Variants in MIGA1 observed in about 807,000 individuals in gnomAD.
The protein encoded by MIGA1 is family with sequence similarity 73, member A.
MIGA1 carries 58 observed loss-of-function variants against 82.0 expected under a neutral mutation model. The ratio of observed to expected loss-of-function variants is 0.71; its 90% CI spans 0.57 to 0.88. MIGA1 has a LOEUF of 0.88. MIGA1 is among the 40% of genes least tolerant of loss of function. MIGA1 has a pLI of 0.00. For synonymous variants in MIGA1, 249 were observed against 253.6 expected (o/e 0.98, Z 0.17); for missense variants, 751 against 749.1 (o/e 1.00, Z -0.03).
At chr1:77,811,132 T>C (rs1217280132) in intron 5 of MIGA1, 2 of 1,559,550 alleles carry the variant, frequency 1.3e-6, no homozygotes, top group South Asian at 1.1e-5. Flanking sequence ...AAAATGAACA[T>C]ATGTATCTTC....
chr1:77,850,592 T>G (rs929532611), intron 8 of MIGA1, among the ~76,000 whole-genome samples: 1 of 152,214 alleles, frequency 6.6e-6, no homozygotes, highest in East Asian at 1.9e-4. Flanking sequence ...CTTCAGACAT[T>G]TCATTCATGG....
intron 8 of MIGA1, chr1:77,848,807 T>G: frequency 8.3e-7 from 1 of 1,199,144 alleles, no homozygotes; most frequent in Non-Finnish European, 1.1e-6. Context: ...GATTGATGGC[T>G]ACCCCAAGAG....
At chr1:77,806,747 T>C (rs1391937889) in intron 4 of MIGA1, among the ~76,000 whole-genome samples, 1 of 152,184 alleles carries the variant, frequency 6.6e-6, no homozygotes, top group Non-Finnish European at 1.5e-5. Flanking sequence ...AATAAGTGAT[T>C]TACATTCAAA....
At chr1:77,818,295 G>T (rs1167368561) in intron 7 of MIGA1, among the ~76,000 whole-genome samples, 2 of 151,802 alleles carry the variant, frequency 1.3e-5, no homozygotes, top group African/African-American at 4.8e-5. Context: ...GGCTAATTTT[G>T]TATTTTTAGT....
At chr1:77,870,531 C>T (rs1278549756) in intron 14 of MIGA1, among the ~76,000 whole-genome samples, 269 of 126,778 alleles carry the variant, frequency 2.1e-3, no homozygotes, top group Non-Finnish European at 3.1e-3. Flanking sequence ...GGGATGGCGG[C>T]GGGGAAGAGG....
intron 8 of MIGA1, among the ~76,000 whole-genome samples, chr1:77,851,711 G>A (rs1052548236): frequency 1.3e-5 from 2 of 151,882 alleles, no homozygotes; most frequent in African/African-American, 4.9e-5. Context: ...TCTTATTTTA[G>A]GAGGCTTCTT....
At chr1:77,834,285 C>T (rs1004335440) in intron 7 of MIGA1, among the ~76,000 whole-genome samples, 2 of 152,166 alleles carry the variant, frequency 1.3e-5, no homozygotes, top group Non-Finnish European at 2.9e-5. Flanking sequence ...AAGTGATCCT[C>T]CTGCCTCAGT....
At chr1:77,840,639 C>A (rs887849160) in intron 7 of MIGA1, among the ~76,000 whole-genome samples, 11 of 151,964 alleles carry the variant, frequency 7.2e-5, no homozygotes, top group African/African-American at 2.7e-4. Context: ...ATGCAGAAAC[C>A]CCGTCTCTAC....
At chr1:77,808,199 A>G (rs1042976786) in intron 5 of MIGA1, among the ~76,000 whole-genome samples, 6 of 150,012 alleles carry the variant, frequency 4.0e-5, no homozygotes, top group African/African-American at 1.5e-4. Context: ...GGTTAGTTAC[A>G]TATGTATACA....
chr1:77,810,790 G>A, intron 5 of MIGA1: 1 of 1,511,832 alleles, frequency 6.6e-7, no homozygotes, highest in South Asian at 1.2e-5. Context: ...GGGTGAATAT[G>A]CTACACAGAG....
chr1:77,817,355 A>G (rs529799924), intron 7 of MIGA1, among the ~76,000 whole-genome samples: 3 of 152,092 alleles, frequency 2.0e-5, no homozygotes, highest in Non-Finnish European at 4.4e-5. Context: ...TGAGGCAACT[A>G]TTGTTAATCT....
rs1176838372 is a variant in MIGA1, at chr1:77,841,948, A to AT, written c.896-1341dup. ...TGAGCATGTGCCACAACACCTGGCTATTTTTTTTTTTTTTTTTTGGACGAG... is the reference window on the plus strand; with the variant it reads ...TGAGCATGTGCCACAACACCTGGCTATTTTTTTTTTTTTTTTTTTGGACGAG... On this transcript the variant is annotated intron_variant, in intron 7 of 15. Coordinates refer to ENST00000370791, the MANE Select transcript of MIGA1 (RefSeq NM_198549.4). Among the ~76,000 whole-genome samples, 602 of 121,208 alleles carry AT rather than the reference A, an allele frequency of 5.0e-3. 2 individuals are homozygous for AT. Among genetic ancestry groups the AT allele is most frequent in the Admixed American group, 0.01 (124 of 12,036 alleles). The allele number at this position is 121,208 out of a possible 152,430, so 79.5% of individuals were successfully genotyped here. A position where few individuals can be genotyped will look rare whatever the true frequency, so the allele number is the denominator to read the frequency against.
At chr1:77,830,331 A>G (rs919260616) in intron 7 of MIGA1, among the ~76,000 whole-genome samples, 5 of 152,036 alleles carry the variant, frequency 3.3e-5, no homozygotes, top group African/African-American at 1.2e-4. Context: ...TAAGTCCCTT[A>G]CAGTTTCATT....
In MIGA1 at chr1:77,874,112, C is replaced by A. The variant is rs764884341; in HGVS notation, c.1681-734C>A. On this transcript the variant is annotated intron_variant, in intron 15 of 15. Coordinates refer to ENST00000370791, the MANE Select transcript of MIGA1 (RefSeq NM_198549.4). ...ACTTCTTAATAACGTTTGGAAGATA[C>A]GTTATTAAGAAAGAAGATAGAAATT... Among the ~76,000 whole-genome samples the A allele has an allele frequency of 2.0e-5, 3 of 152,184 alleles. No homozygotes were observed. The East Asian group carries it at 5.8e-4, about 29-fold the overall frequency.
chr1:77,869,545 G>C (rs1161815948), intron 14 of MIGA1, among the ~76,000 whole-genome samples: 1 of 138,448 alleles, frequency 7.2e-6, no homozygotes, highest in Non-Finnish European at 1.6e-5. Context: ...CTCACCTCCC[G>C]GATGGGGCGG....
chr1:77,838,373 A>C (rs1684507586), intron 7 of MIGA1, among the ~76,000 whole-genome samples: 1 of 151,572 alleles, frequency 6.6e-6, no homozygotes, highest in Non-Finnish European at 1.5e-5. Context: ...ATTTTGAGAC[A>C]GAGTCTCACT....
chr1:77,796,844 T>C (rs1210663814), intron 2 of MIGA1, among the ~76,000 whole-genome samples: 1 of 152,202 alleles, frequency 6.6e-6, no homozygotes, highest in East Asian at 1.9e-4. Flanking sequence ...AATTTGTTCT[T>C]TGTTGTGCCC....
At chr1:77,869,501 AC>A (rs1251523110) in intron 14 of MIGA1, among the ~76,000 whole-genome samples, 1 of 131,810 alleles carries the variant, frequency 7.6e-6, no homozygotes, top group Non-Finnish European at 1.6e-5. Flanking sequence ...GGGGCTCCTC[AC>A]TTCCCAGTAG....
At chr1:77,819,080 CAAAAAAA>C (rs745979095) in intron 7 of MIGA1, among the ~76,000 whole-genome samples, 4 of 63,334 alleles carry the variant, frequency 6.3e-5, no homozygotes, top group Admixed American at 1.7e-4. Flanking sequence ...AACTCTGTCC[CAAAAAAA>C]AAAAAAAAAA....
Sources: gnomAD v4.1 joint callset for allele counts (sites outside exome capture counted in the v4.1 genomes callset) on GRCh38, gnomAD v4.1.1 for gene constraint, MANE v1.5 for transcripts, NCBI Gene and HGNC (gene_info 2026-07-23, HGNC 2026-07-21) for gene names.